The following FMO3 variants were observed in gnomAD, a reference collection of about 807,000 sequenced individuals.
FMO3 encodes the protein flavin-containing monooxygenase 3.
In FMO3, 40 loss-of-function variants were observed where a neutral mutation model predicts 39.4. The ratio of observed to expected loss-of-function variants is 1.02; its 90% CI spans 0.79 to 1.32. The LOEUF (loss-of-function observed/expected upper bound fraction) is 1.32. Ranked by LOEUF, FMO3 falls within the 40% of genes most tolerant of loss-of-function variation. The pLI is 0.00. For synonymous variants in FMO3, 219 were observed against 228.8 expected (o/e 0.96, Z 0.39); for missense variants, 680 against 651.8 (o/e 1.04, Z -0.47).
intron 2 of FMO3, among the ~76,000 whole-genome samples, chr1:171,096,025 AAT>A (rs1442916007): frequency 2.2e-5 from 1 of 45,972 alleles, no homozygotes; most frequent in Non-Finnish European, 3.6e-5. Context: ...ATTATATATT[AAT>A]ATATAATATA....
intron 2 of FMO3, 115 bp downstream of exon 2, chr1:171,092,905 A>T: frequency 1.8e-6 from 2 of 1,141,858 alleles, no homozygotes; most frequent in South Asian, 2.6e-5. Flanking sequence ...TATCTGTTAG[A>T]ATTGGAATCC....
At chr1:171,099,959 A>AT (rs1372007737) in intron 2 of FMO3, 2 of 151,376 alleles carry the variant, frequency 1.3e-5, no homozygotes, top group African/African-American at 4.9e-5. Flanking sequence ...TAATTTTTGT[A>AT]TTTTTAGTAG....
intron 6 of FMO3, 108 bp from the exon 7 acceptor site, chr1:171,113,897 GAA>G: frequency 1.4e-6 from 1 of 705,354 alleles, no homozygotes; most frequent in Non-Finnish European, 2.3e-6. Flanking sequence ...CTATGCCTCA[GAA>G]AAAAAAAATC....
chr1:171,095,887 T>TAATATAATTA (rs1654947123), intron 2 of FMO3, among the ~76,000 whole-genome samples: 1 of 858 alleles, frequency 1.2e-3, no homozygotes, highest in Non-Finnish European at 3.4e-3. Flanking sequence ...TATAATTATA[T>TAATATAATTA]TATATATAAT....
intron 2 of FMO3, 136 bp from the exon 3 acceptor site, chr1:171,103,649 A>T (rs1330226551): frequency 2.7e-6 from 2 of 742,028 alleles, no homozygotes; most frequent in Non-Finnish European, 4.9e-6. Flanking sequence ...GAGCATTCGT[A>T]GATTTTGGTA....
At position 171,117,344 on chromosome 1, in the gene FMO3, G is replaced by C; in HGVS notation, c.1501G>C (p.Val501Leu). 6.2e-7 allele frequency: 1 copy of C among 1,613,204 alleles called. No individual in the cohort carries two copies. Among genetic ancestry groups the C allele is most frequent in the Non-Finnish European group, 8.5e-7 (1 of 1,179,508 alleles). Residue 501 changes from valine (V) to leucine (L), a missense_variant, in exon 9 of 9, where the codon GTG becomes CTG. Physicochemically the swap from Val to Leu is conservative, Grantham distance 32 (BLOSUM62 1). Coordinates refer to ENST00000367755, the MANE Select transcript of FMO3 (RefSeq NM_001002294.3). ...DRSLKPMQTR[V>L]VGRLQKPCFF... ...GTCGTTGAAACCCATGCAGACACGA[G>C]TGGTCGGGAGACTTCAGAAGCCTTG...
At chr1:171,095,721 G>A (rs1231595924) in intron 2 of FMO3, among the ~76,000 whole-genome samples, 1 of 131,304 alleles carries the variant, frequency 7.6e-6, no homozygotes, top group Non-Finnish European at 1.6e-5. Context: ...TAAAAATATG[G>A]TATGTTTCTT....
chr1:171,117,291 G>C lies in FMO3; in HGVS notation c.1448G>C (p.Arg483Thr). The change falls in exon 9 of 9, where the codon AGA becomes ACA. Residue 483 changes from arginine (R) to threonine (T), a missense_variant. Arg to Thr is a moderately conservative substitution (Grantham distance 71). Transcript: ENST00000367755. ...GGCCCAGGGCAGTGGCCAGGAGCCA[G>C]AAATGCCATACTGACCCAGTGGGAC... ...LVGPGQWPGA[R>T]NAILTQWDRS... 6 of 1,614,210 alleles carry C rather than the reference G, an allele frequency of 3.7e-6. No individual in the cohort carries two copies. Among genetic ancestry groups the C allele is most frequent in the Non-Finnish European group, 5.1e-6 (6 of 1,180,024 alleles).
chr1:171,114,199 G>A lies in FMO3; in HGVS notation c.1020G>A (p.Glu340=). 1 of 1,613,794 alleles carries A rather than the reference G, an allele frequency of 6.2e-7. No homozygotes were observed. The highest frequency in any genetic ancestry group is 8.5e-7 in the Non-Finnish European group (1 of 1,179,764). The change falls in exon 7 of 9, where the codon GAG becomes GAA. Residue 340 remains glutamate, a synonymous_variant. Coordinates refer to ENST00000367755, the MANE Select transcript of FMO3 (RefSeq NM_001002294.3). ...GYSFAYPFLD[E]SIIKSRNNEI... ...GTTTTGCCTACCCCTTCCTTGATGAGTCTATCATCAAAAGCAGAAACAATG... is the reference window on the plus strand; with the variant it reads ...GTTTTGCCTACCCCTTCCTTGATGAATCTATCATCAAAAGCAGAAACAATG...
chr1:171,095,746 A>ATGAT (rs1287106752), intron 2 of FMO3, among the ~76,000 whole-genome samples: 1 of 120,792 alleles, frequency 8.3e-6, no homozygotes, highest in Non-Finnish European at 1.6e-5. Flanking sequence ...ATATATCTAT[A>ATGAT]ATAATATAAA....
chr1:171,107,802 A>G lies in FMO3; in HGVS notation c.449A>G (p.His150Arg). 1 of 1,613,992 alleles carries G rather than the reference A, an allele frequency of 6.2e-7. No homozygotes were observed. The highest frequency in any genetic ancestry group is 8.5e-7 in the Non-Finnish European group (1 of 1,179,926). ...GCTGTAATGGTTTGTTCCGGACATC[A>G]TGTGTATCCCAACCTACCAAAAGAG... ...FDAVMVCSGH[H>R]VYPNLPKESF... The change falls in exon 4 of 9, where the codon CAT becomes CGT. Residue 150 changes from histidine (H) to arginine (R), a missense_variant. By Grantham distance (29) the His-to-Arg change is conservative (BLOSUM62 0). Transcript: ENST00000367755.
At chr1:171,091,617 C>CTCA (rs1238715644) in intron 1 of FMO3, among the ~76,000 whole-genome samples, 1 of 150,156 alleles carries the variant, frequency 6.7e-6, no homozygotes, top group African/African-American at 2.5e-5. Flanking sequence ...GAGAGAAGGT[C>CTCA]TCACTCTGTC....
rs1215961464 is a variant in FMO3, at chr1:171,117,735, A to G, written c.*293A>G. On this transcript the variant is annotated 3_prime_UTR_variant, in exon 9 of 9. Transcript: ENST00000367755. ...TTAAATCATTTCCTGAAACATTTTG[A>G]CATGATTCCTTTTTCCTTTTAAACA... is the stretch of plus-strand genomic sequence containing the variant. The G allele has an allele frequency of 2.1e-5, 6 of 280,026 alleles. No homozygotes were observed. Among genetic ancestry groups the G allele is most frequent in the Admixed American group, 4.7e-5 (1 of 21,238 alleles). 17.3% of individuals were successfully genotyped at this position (280,026 alleles called of 1,614,324 possible).
intron 7 of FMO3, among the ~76,000 whole-genome samples, chr1:171,114,680 T>C (rs1399625945): frequency 1.3e-5 from 2 of 152,324 alleles, no homozygotes; most frequent in South Asian, 2.1e-4. Flanking sequence ...ATGACAACTT[T>C]ATAAAATTAT....
chr1:171,103,723 C>T, intron 2 of FMO3, 62 bp from the exon 3 acceptor site: 2 of 1,388,528 alleles, frequency 1.4e-6, no homozygotes, highest in Non-Finnish European at 2.1e-6. Context: ...TGGAACCAGC[C>T]CTGACCATGA....
At chr1:171,103,702 C>A in intron 2 of FMO3, 83 bp from the exon 3 acceptor site, 2 of 1,140,358 alleles carry the variant, frequency 1.8e-6, no homozygotes, top group Non-Finnish European at 2.7e-6. Context: ...CAAGGGATGA[C>A]TGTAATTACT....
At chr1:171,096,731 TATATATAATTAATATAATTATATTAAAA>T (rs1395315679) in intron 2 of FMO3, among the ~76,000 whole-genome samples, 1 of 127,284 alleles carries the variant, frequency 7.9e-6, no homozygotes, top group Non-Finnish European at 1.6e-5. Context: ...ATATTAAAAA[TATATATAATTAATATAATTATATTAAAA>T]ATATATAATT....
At chr1:171,108,038 A>G (rs910127258) in intron 4 of FMO3, 41 bp from the exon 5 acceptor site, 1 of 1,608,828 alleles carries the variant, frequency 6.2e-7, no homozygotes, top group Non-Finnish European at 8.5e-7. Context: ...TTGTTTAAAT[A>G]TATGACTCAA....
chr1:171,102,629 T>C (rs937439597), intron 2 of FMO3, among the ~76,000 whole-genome samples: 1 of 152,170 alleles, frequency 6.6e-6, no homozygotes, highest in Non-Finnish European at 1.5e-5. Context: ...CTTTTAAAAC[T>C]TGCTGTCAAT....
Sources: gnomAD v4.1 joint callset for allele counts (sites outside exome capture counted in the v4.1 genomes callset) on GRCh38, gnomAD v4.1.1 for gene constraint, MANE v1.5 for transcripts, NCBI Gene and HGNC (gene_info 2026-07-23, HGNC 2026-07-21) for gene names.